PAK3: variants seen among roughly 807,000 people sequenced by gnomAD.
PAK3 encodes the protein serine/threonine-protein kinase PAK 3.
Under a neutral mutation model 41.0 loss-of-function variants are expected in PAK3, and 4 were observed. The observed-to-expected ratio is 0.10, with a 90% confidence interval of 0.05 to 0.22. The LOEUF is 0.22. Among genes scored for constraint, PAK3 ranks in the 10% least tolerant of loss-of-function variants. The pLI is 1.00. For missense variants in PAK3, 205 were observed against 409.9 expected (o/e 0.50, Z 4.32); for synonymous variants, 146 against 139.6 (o/e 1.05, Z -0.32).
rs541813985 is a variant in PAK3 at position 111,015,696 on chromosome X, G to T, written c.-28+71068G>T. Among the ~76,000 whole-genome samples the T allele has an allele frequency of 2.7e-5, 3 of 111,827 alleles. No homozygotes were observed. The South Asian group carries it at 1.1e-3, about 42-fold the overall frequency. ...TGGTTATGATGTGTATTTCCCTAAT[G>T]ATTATTGATGTAGAGCATCTTCTTT... is the stretch of plus-strand genomic sequence containing the variant. On this transcript the variant is annotated intron_variant, in intron 1 of 14. Transcript: ENST00000425146.
intron 3 of PAK3, among the ~76,000 whole-genome samples, chrX:111,100,488 C>T (rs907818700): frequency 1.8e-5 from 2 of 111,555 alleles, no homozygotes; most frequent in Non-Finnish European, 3.8e-5. Context: ...GTCCTTCCAA[C>T]CAGCCTGACA....
At chrX:111,015,132 CTAGTATAGTAAG>C (rs1219282649) in intron 1 of PAK3, among the ~76,000 whole-genome samples, 8 of 110,418 alleles carry the variant, frequency 7.2e-5, no homozygotes, top group Admixed American at 1.9e-4. Context: ...ATACTACTAA[CTAGTATAGTAAG>C]TAGTATAGTA....
At chrX:111,008,445 G>A (rs1200770962) in intron 1 of PAK3, among the ~76,000 whole-genome samples, 1 of 112,909 alleles carries the variant, frequency 8.9e-6, no homozygotes, top group Admixed American at 9.3e-5. Flanking sequence ...GCCTCCTCCA[G>A]TAGACCCTCT....
At chrX:110,966,843 A>G (rs2091091953) in intron 1 of PAK3, among the ~76,000 whole-genome samples, 1 of 111,638 alleles carries the variant, frequency 9.0e-6, no homozygotes, top group Non-Finnish European at 1.9e-5. Flanking sequence ...ATGAATATAA[A>G]TGCTTTTTGT....
chrX:111,185,857 G>A (rs2094504885), intron 11 of PAK3, among the ~76,000 whole-genome samples: 1 of 110,491 alleles, frequency 9.1e-6, no homozygotes, highest in Non-Finnish European at 1.9e-5. Context: ...AAAATTTCAG[G>A]CCAATACCAA....
chrX:111,164,597 G>A (rs997920693), intron 10 of PAK3, among the ~76,000 whole-genome samples: 1 of 111,432 alleles, frequency 9.0e-6, no homozygotes, highest in African/African-American at 3.3e-5. Context: ...AGATTCTCAA[G>A]AGCAGGGACT....
intron 1 of PAK3, among the ~76,000 whole-genome samples, chrX:111,019,875 C>T (rs899615816): frequency 1.8e-5 from 2 of 110,569 alleles, no homozygotes; most frequent in African/African-American, 6.6e-5. Flanking sequence ...GTAGGATGGC[C>T]ATTTTACAAA....
At chrX:110,952,561 T>C (rs1344165993) in intron 1 of PAK3, among the ~76,000 whole-genome samples, 1 of 110,737 alleles carries the variant, frequency 9.0e-6, no homozygotes, top group African/African-American at 3.3e-5. Context: ...TGTTTAATAA[T>C]GCCCTTTGTA....
At chrX:111,134,226 A>C (rs2093756659) in intron 5 of PAK3, among the ~76,000 whole-genome samples, 1 of 111,916 alleles carries the variant, frequency 8.9e-6, no homozygotes, top group Admixed American at 9.5e-5. Flanking sequence ...TTGGCCCCAA[A>C]GTGGTACCTG....
At chrX:111,081,791 T>C (rs2148840448) in intron 1 of PAK3, among the ~76,000 whole-genome samples, 1 of 111,184 alleles carries the variant, frequency 9.0e-6, no homozygotes, top group African/African-American at 3.3e-5. Flanking sequence ...ATGATAGACA[T>C]TTAGCAATGT....
chrX:111,103,893 T>C (rs2093197955), intron 4 of PAK3, among the ~76,000 whole-genome samples: 1 of 111,850 alleles, frequency 8.9e-6, no homozygotes, highest in Admixed American at 9.4e-5. Flanking sequence ...CTTGAGTCTG[T>C]AGCGTGCAGG....
intron 11 of PAK3, among the ~76,000 whole-genome samples, chrX:111,181,288 G>C (rs1383121124): frequency 9.0e-6 from 1 of 111,690 alleles, no homozygotes; most frequent in Non-Finnish European, 1.9e-5. Flanking sequence ...ATGTTTGACA[G>C]AAAGTGACAA....
intron 4 of PAK3, among the ~76,000 whole-genome samples, chrX:111,108,081 C>T (rs2093306760): frequency 8.9e-6 from 1 of 112,162 alleles, no homozygotes. Flanking sequence ...TATGAGGCAA[C>T]AGTCTGGAAG....
At position 111,162,910 on chromosome X, in the gene PAK3, A is replaced by G; in HGVS notation, c.469-5A>G. On this transcript the variant is annotated splice_polypyrimidine_tract_variant and splice_region_variant and intron_variant, in intron 8 of 17. Transcript: ENST00000372007. ...CTGATCTTTAAACTTTGTTTTTGTC[A>G]CAAGAGTACAAAAACAGCATCTGAG... 2.5e-6 allele frequency: 3 copies of G among 1,203,741 alleles called. No homozygotes were observed. The highest frequency in any genetic ancestry group is 1.8e-5 in the South Asian group (1 of 56,805).
upstream of PAK3, among the ~76,000 whole-genome samples, chrX:111,093,167 GAACA>G (rs1046307635): frequency 4.5e-5 from 5 of 112,096 alleles, no homozygotes; most frequent in African/African-American, 1.6e-4. Flanking sequence ...TAGGGTGGCA[GAACA>G]AACATAGAAC....
intron 5 of PAK3, among the ~76,000 whole-genome samples, chrX:111,128,533 A>G (rs1358454101): frequency 8.9e-6 from 1 of 111,782 alleles, no homozygotes; most frequent in Non-Finnish European, 1.9e-5. Flanking sequence ...TAAGTAGACA[A>G]CCAACCTAGA....
chrX:111,074,301 A>C (rs1171447105), intron 1 of PAK3, among the ~76,000 whole-genome samples: 1 of 111,415 alleles, frequency 9.0e-6, no homozygotes, highest in Non-Finnish European at 1.9e-5. Flanking sequence ...ATGGGGGATG[A>C]TCCCTCATGA....
At chrX:111,028,920 G>C (rs1173002082) in intron 1 of PAK3, among the ~76,000 whole-genome samples, 2 of 110,552 alleles carry the variant, frequency 1.8e-5, no homozygotes. Flanking sequence ...ATTGCTTCAG[G>C]CCACAAGTTC....
At chrX:111,008,209 C>T (rs1458852939) in intron 1 of PAK3, among the ~76,000 whole-genome samples, 2 of 112,205 alleles carry the variant, frequency 1.8e-5, no homozygotes, top group Admixed American at 1.9e-4. Context: ...TTTGTTTTAC[C>T]TCTCTGAGCC....
Sources: allele counts gnomAD v4.1 joint callset (sites outside exome capture counted in the v4.1 genomes callset), GRCh38; gene constraint gnomAD v4.1.1; transcripts MANE v1.5; gene names NCBI Gene and HGNC (gene_info 2026-07-23, HGNC 2026-07-21).